The following SGSM2 variants were observed in gnomAD, a reference collection of about 807,000 sequenced individuals.
The protein encoded by SGSM2 is small G protein signaling modulator 2.
A neutral mutation model predicts 126.6 loss-of-function variants in SGSM2; 89 were observed. That is an observed-to-expected ratio of 0.70 (90% CI 0.59 to 0.84). The LOEUF is 0.84. Ranked by LOEUF, SGSM2 falls within the 40% of genes least tolerant of loss-of-function variation. The probability of loss-of-function intolerance (pLI) is 0.00; values close to 1 mark genes in which losing one functional copy is unlikely to be tolerated. For synonymous variants in SGSM2, 614 were observed against 574.3 expected, an observed-to-expected ratio of 1.07 and a Z score of -0.99; for missense variants, 1,404 against 1,416.6, an observed-to-expected ratio of 0.99 and a Z score of 0.14.
intron 2 of SGSM2, 45 bp from the exon 3 acceptor site, chr17:2,361,592 C>T (rs780065683): frequency 4.4e-6 from 7 of 1,599,680 alleles, no homozygotes; most frequent in African/African-American, 4.0e-5. Flanking sequence ...CTTCCTGCTC[C>T]CCCGTCTTTC....
rs764611087 is a variant in SGSM2 at position 2,362,259 on chromosome 17, G to A, written c.447G>A (p.Ala149=). Residue 149 remains alanine, a synonymous_variant, in exon 4 of 24, where the codon GCG becomes GCA. Coordinates refer to ENST00000268989, the MANE Select transcript of SGSM2 (RefSeq NM_014853.3). This position sits in a 1 kb window ranked among gnomAD's most constrained non-coding sequence, Gnocchi z 4.9. ...KVLDKVVQYL[A]ENCSKYYEKE... ...TGGACAAGGTCGTGCAATACCTGGC[G>A]GAAAACTGCAGGTGACCGCCCCGTT... The A allele has an allele frequency of 8.7e-6, 14 of 1,610,556 alleles. No homozygotes were observed. The highest frequency in any genetic ancestry group is 6.6e-5 in the South Asian group (6 of 90,952).
rs1331093590 is a variant in SGSM2, at chr17:2,370,247, A to AC, written c.1424-1009dup. 7.3e-5 allele frequency among the ~76,000 whole-genome samples: 11 copies of AC among 151,578 alleles called. No homozygotes were observed. In the South Asian group the frequency reaches 1.7e-3, roughly 23 times the overall value. On this transcript the variant is annotated intron_variant, in intron 12 of 23. Coordinates refer to ENST00000268989, the MANE Select transcript of SGSM2 (RefSeq NM_014853.3). ...CACTCTCTCCCTCCCTCCCGGCATC[A>AC]CCCCCCAGTGCTTCCACTTCCTCTC...
At chr17:2,352,773 T>C (rs1216801957) in intron 2 of SGSM2, among the ~76,000 whole-genome samples, 2 of 86,504 alleles carry the variant, frequency 2.3e-5, no homozygotes, top group African/African-American at 2.3e-4. Context: ...TTTTCTTTTT[T>C]TTTTTTTTTT....
In SGSM2 at chr17:2,363,805, A is replaced by G. The variant is rs1044528117; in HGVS notation, c.807+206A>G. On this transcript the variant is annotated intron_variant, in intron 7 of 23. Transcript: ENST00000268989. This position sits in a 1 kb window ranked among gnomAD's most constrained non-coding sequence, Gnocchi z 4.2. ...GGAATGGCAGCCAGCAGGCGAGGGG[A>G]GTCCGCAGTGTGGGTATGGCTGGCC... 23 of 853,694 alleles carry G rather than the reference A, an allele frequency of 2.7e-5. No homozygotes were observed. The highest frequency in any genetic ancestry group is 3.9e-5 in the Non-Finnish European group (22 of 563,690). The allele number at this position is 853,694 out of a possible 1,614,324, so 52.9% of individuals were successfully genotyped here. A position where few individuals can be genotyped will look rare whatever the true frequency, so the allele number is the denominator to read the frequency against.
At chr17:2,342,741 G>T (rs1387053955) in intron 1 of SGSM2, among the ~76,000 whole-genome samples, 1 of 127,578 alleles carries the variant, frequency 7.8e-6, no homozygotes, top group Non-Finnish European at 1.7e-5. Flanking sequence ...ACTTTGGGAG[G>T]CCGGGCGGGT....
intron 18 of SGSM2, 95 bp from the exon 19 acceptor site, chr17:2,376,042 G>C (rs1023726854): frequency 6.3e-7 from 1 of 1,583,292 alleles, no homozygotes; most frequent in African/African-American, 1.3e-5. Context: ...TGGTCTCTGG[G>C]TTCCGTTTTG....
chr17:2,376,672 A>C, intron 19 of SGSM2, 61 bp from the exon 20 acceptor site: 4 of 1,551,218 alleles, frequency 2.6e-6, no homozygotes, highest in Non-Finnish European at 3.6e-6. Flanking sequence ...ACGTCTTCCC[A>C]GGGATCCCGA....
In SGSM2 at chr17:2,371,490, C is replaced by G. The variant is rs112798063; in HGVS notation, c.1577+75C>G. On this transcript the variant is annotated intron_variant, in intron 13 of 23. Coordinates refer to ENST00000268989, the MANE Select transcript of SGSM2 (RefSeq NM_014853.3). ...GTGTGTGTCCGTCTGTCCTTAAAGG[C>G]CGTGTCACCTGCACGACAGGGTGGC... is the stretch of plus-strand genomic sequence containing the variant. 14 of 1,490,354 alleles carry G rather than the reference C, an allele frequency of 9.4e-6. No individual in the cohort carries two copies. In the African/African-American group the frequency reaches 1.5e-4, roughly 16 times the overall value. 92.3% of individuals were successfully genotyped at this position (1,490,354 alleles called of 1,614,324 possible). A position where few individuals can be genotyped will look rare whatever the true frequency, so the allele number is the denominator to read the frequency against.
At chr17:2,379,256 C>T in intron 23 of SGSM2, 53 bp downstream of exon 23, 1 of 1,590,296 alleles carries the variant, frequency 6.3e-7, no homozygotes. Flanking sequence ...GTGGAGGCCC[C>T]CACCTCTGCC....
At chr17:2,377,706 A>G (rs988908044) in intron 21 of SGSM2, 151 bp from the exon 22 acceptor site, 44 of 547,744 alleles carry the variant, frequency 8.0e-5, no homozygotes, top group Middle Eastern at 5.1e-4. Context: ...TCCGAGGGGG[A>G]GAGAGTGCAC....
intron 11 of SGSM2, among the ~76,000 whole-genome samples, chr17:2,366,190 G>A (rs750014905): frequency 6.6e-6 from 1 of 152,150 alleles, no homozygotes; most frequent in Admixed American, 6.5e-5. Flanking sequence ...GGGCACTGGC[G>A]GGTAGAAAGG....
Position 2,373,085 on chromosome 17 carries a change from A to AG in SGSM2, c.1917+8dup, listed in dbSNP as rs781552988. ...GAGCAAGAAGGAGATGGAGCAGGTG[A>AG]GGGGAGCCTGTTCCCATGGGGCTGA... On this transcript the variant is annotated splice_donor_region_variant and intron_variant, in intron 16 of 23. Coordinates refer to ENST00000268989, the MANE Select transcript of SGSM2 (RefSeq NM_014853.3). 33 of 1,603,508 alleles carry AG rather than the reference A, an allele frequency of 2.1e-5. 1 individual carries two copies. The Admixed American group carries it at 4.3e-4, about 21-fold the overall frequency.
At chr17:2,353,675 G>A (rs1340302870) in intron 2 of SGSM2, among the ~76,000 whole-genome samples, 1 of 152,042 alleles carries the variant, frequency 6.6e-6, no homozygotes. Context: ...TGAGGTAGGA[G>A]GATCACTTGA....
chr17:2,361,602 C>G (rs2065310583), intron 2 of SGSM2, 35 bp from the exon 3 acceptor site: 1 of 1,607,944 alleles, frequency 6.2e-7, no homozygotes, highest in East Asian at 2.2e-5. Flanking sequence ...CCCCGTCTTT[C>G]CCAGGCTCAG....
intron 2 of SGSM2, among the ~76,000 whole-genome samples, chr17:2,361,298 C>T (rs1037910670): frequency 6.6e-6 from 1 of 152,234 alleles, no homozygotes; most frequent in African/African-American, 2.4e-5. Context: ...CTCACATCCC[C>T]GTCCTGTAGG....
At chr17:2,353,909 T>C (rs1326016745) in intron 2 of SGSM2, among the ~76,000 whole-genome samples, 1 of 152,166 alleles carries the variant, frequency 6.6e-6, no homozygotes, top group Non-Finnish European at 1.5e-5. Context: ...TGGTTTTTTG[T>C]TTGTTTGGTT....
In SGSM2 at chr17:2,362,162, G is replaced by C. The variant is rs763392182; in HGVS notation, c.350G>C (p.Gly117Ala). 19 of 1,613,812 alleles carry C rather than the reference G, an allele frequency of 1.2e-5. 1 individual carries two copies. In the South Asian group the frequency reaches 1.9e-4, roughly 16 times the overall value. The change falls in exon 4 of 24, where the codon GGG (glycine) becomes GCG (alanine). Residue 117 changes from glycine (G) to alanine (A), a missense_variant. By Grantham distance (60) the Gly-to-Ala change is moderately conservative (BLOSUM62 0). Coordinates refer to ENST00000268989, the MANE Select transcript of SGSM2 (RefSeq NM_014853.3). This position sits in a 1 kb window ranked among gnomAD's most constrained non-coding sequence, Gnocchi z 4.9. ...CTGCGGAGACAGGGCTCAGCCAGCG[G>C]GAAGGCCCCGGCCCTCAGCCCTCAG... ...EALRRQGSAS[G>A]KAPALSPQAL... is the part of the protein sequence containing the mutation.
chr17:2,341,128 G>T (rs1202816183), intron 1 of SGSM2, among the ~76,000 whole-genome samples: 3 of 150,118 alleles, frequency 2.0e-5, no homozygotes, highest in Non-Finnish European at 3.0e-5. Context: ...TTTTTTGTTT[G>T]TTTGTTTGTT....
chr17:2,347,271 A>G (rs2064636204), intron 2 of SGSM2, among the ~76,000 whole-genome samples: 2 of 151,740 alleles, frequency 1.3e-5, no homozygotes, highest in Non-Finnish European at 2.9e-5. Context: ...ACACCTAGCT[A>G]ATTTTTGTAT....
Sources: gnomAD v4.1 joint callset for allele counts (sites outside exome capture counted in the v4.1 genomes callset) on GRCh38, gnomAD v4.1.1 for gene constraint, Gnocchi (gnomAD v3.1) non-coding constraint, MANE v1.5 for transcripts, NCBI Gene and HGNC (gene_info 2026-07-23, HGNC 2026-07-21) for gene names.